The following PAX2 variants were observed in gnomAD, a reference collection of about 807,000 sequenced individuals.
PAX2 encodes paired box 2, also known as paired box protein Pax-2.
PAX2 carries 9 observed loss-of-function variants against 41.7 expected under a neutral mutation model. That is an observed-to-expected ratio of 0.22 (90% CI 0.13 to 0.38). The LOEUF (loss-of-function observed/expected upper bound fraction) is 0.38, where lower values mean the gene tolerates loss of function less well. Among genes scored for constraint, PAX2 ranks in the 10% least tolerant of loss-of-function variants. The pLI, the probability that PAX2 is intolerant of heterozygous loss-of-function variation, is 1.00. For missense variants in PAX2, 418 were observed against 531.6 expected (o/e 0.79, Z 2.10); for synonymous variants, 221 against 212.7 (o/e 1.04, Z -0.34).
At chr10:100,741,018 G>C (rs375079433), upstream of PAX2, among the ~76,000 whole-genome samples, 23 of 152,238 alleles carry the variant, frequency 1.5e-4, no homozygotes, top group East Asian at 2.1e-3. Flanking sequence ...AGGCAGCTTT[G>C]GTGGCCAAGT....
chr10:100,765,087 C>T (rs1226575540), intron 3 of PAX2, among the ~76,000 whole-genome samples: 1 of 152,178 alleles, frequency 6.6e-6, no homozygotes, highest in African/African-American at 2.4e-5. Context: ...GGGAGTTTGA[C>T]AATCATTGCA....
chr10:100,794,129 C>A (rs1163064435), intron 5 of PAX2, among the ~76,000 whole-genome samples: 1 of 152,194 alleles, frequency 6.6e-6, no homozygotes, highest in African/African-American at 2.4e-5. Context: ...ATCTGCCACT[C>A]ACCATAGAAC....
chr10:100,749,397 C>T (rs1214261760), intron 1 of PAX2: 4 of 1,112,698 alleles, frequency 3.6e-6, no homozygotes, highest in Admixed American at 4.9e-5. Flanking sequence ...CCTTCCTCTC[C>T]TCGCTTTCTT....
intron 7 of PAX2, among the ~76,000 whole-genome samples, chr10:100,817,035 G>A (rs1468667254): frequency 6.6e-6 from 1 of 152,166 alleles, no homozygotes; most frequent in Non-Finnish European, 1.5e-5. Context: ...TGGAGTATCA[G>A]AAGACTCTGC....
intron 3 of PAX2, among the ~76,000 whole-genome samples, chr10:100,778,888 G>A (rs953281383): frequency 6.6e-6 from 1 of 152,206 alleles, no homozygotes; most frequent in African/African-American, 2.4e-5. Context: ...GGCTCAAGAA[G>A]AGATTGTTCA....
intron 1 of PAX2, among the ~76,000 whole-genome samples, chr10:100,739,941 CAAA>C (rs1476123273): frequency 6.6e-6 from 1 of 152,230 alleles, no homozygotes; most frequent in Non-Finnish European, 1.5e-5. Context: ...CGGCTTCGCA[CAAA>C]CCAGCCTCTT....
At chr10:100,803,993 G>A (rs1293886811) in intron 5 of PAX2, among the ~76,000 whole-genome samples, 1 of 152,154 alleles carries the variant, frequency 6.6e-6, no homozygotes, top group African/African-American at 2.4e-5. Flanking sequence ...TTCCATAGCG[G>A]CTGAAAAATG....
intron 7 of PAX2, among the ~76,000 whole-genome samples, chr10:100,809,770 G>T (rs189554288): frequency 6.6e-6 from 1 of 152,330 alleles, no homozygotes; most frequent in African/African-American, 2.4e-5. Flanking sequence ...CCTTCCTCCT[G>T]CTTCCCAGAG....
rs1366738627 is a variant in PAX2 at position 100,748,396 on chromosome 10, C to T, written c.44-1350C>T. The T allele has an allele frequency of 8.2e-6, 8 of 980,070 alleles. No individual in the cohort carries two copies. In the East Asian group the frequency reaches 6.9e-4, roughly 84 times the overall value. The allele number at this position is 980,070 out of a possible 1,614,324, so 60.7% of individuals were successfully genotyped here. On this transcript the variant is annotated intron_variant, in intron 1 of 9. Transcript: ENST00000355243. The surrounding 1 kb of genome is among the most constrained non-coding windows in gnomAD (Gnocchi z 5.0). ...CAGCAACGCGATCAGAGGTCTTTCC[C>T]CAGGGTTTCACCGAGCTTGCTCTAG... is the stretch of plus-strand genomic sequence containing the variant.
chr10:100,820,280 T>C (rs1457492181), intron 7 of PAX2, among the ~76,000 whole-genome samples: 4 of 152,222 alleles, frequency 2.6e-5, no homozygotes, highest in African/African-American at 4.8e-5. Context: ...GGCAGTGTGG[T>C]ATAAACATGG....
At chr10:100,803,009 C>G (rs1031609644) in intron 5 of PAX2, among the ~76,000 whole-genome samples, 6 of 152,046 alleles carry the variant, frequency 3.9e-5, no homozygotes, top group African/African-American at 1.4e-4. Flanking sequence ...GAGCTCGCTC[C>G]CCATCTTCCC....
At position 100,827,646 on chromosome 10, in the gene PAX2, A is replaced by T; in HGVS notation, c.*27A>T. On this transcript the variant is annotated 3_prime_UTR_variant, in exon 10 of 10. Transcript: ENST00000355243. The surrounding 1 kb of genome is among the most constrained non-coding windows in gnomAD (Gnocchi z 8.5). ...TACCGCGGGGACCACATCAAGCTTC[A>T]GGCCGACAGCTTCGGCCTCCACATC... 6.2e-7 allele frequency: 1 copy of T among 1,613,744 alleles called. No homozygotes were observed. Among genetic ancestry groups the T allele is most frequent in the Non-Finnish European group, 8.5e-7 (1 of 1,179,864 alleles).
At chr10:100,752,312 C>T (rs1845471695) in intron 3 of PAX2, among the ~76,000 whole-genome samples, 1 of 152,222 alleles carries the variant, frequency 6.6e-6, no homozygotes, top group Non-Finnish European at 1.5e-5. Flanking sequence ...AGCGATTTGA[C>T]ATTCAGATAC....
At chr10:100,784,872 A>C (rs773934451) in intron 5 of PAX2, among the ~76,000 whole-genome samples, 6 of 152,152 alleles carry the variant, frequency 3.9e-5, no homozygotes, top group Non-Finnish European at 7.4e-5. Flanking sequence ...AGAGTATGGA[A>C]AACACCCCCT....
intron 3 of PAX2, among the ~76,000 whole-genome samples, chr10:100,754,158 A>T (rs1845549395): frequency 6.6e-6 from 1 of 152,184 alleles, no homozygotes; most frequent in Admixed American, 6.5e-5. Context: ...CTGAAAAAGG[A>T]AAAAGTCGTC....
chr10:100,738,315 T>C (rs952016725), intron 1 of PAX2, among the ~76,000 whole-genome samples: 5 of 152,188 alleles, frequency 3.3e-5, no homozygotes, highest in African/African-American at 1.2e-4. Context: ...GCAGGATTGA[T>C]TGGCGGCCCC....
intron 1 of PAX2, chr10:100,735,803 C>T: frequency 2.1e-6 from 2 of 938,782 alleles, no homozygotes; most frequent in South Asian, 5.0e-5. Flanking sequence ...CGGCCATGGC[C>T]GGGGCGGGCT....
At chr10:100,805,219 A>G (rs914407732) in intron 5 of PAX2, among the ~76,000 whole-genome samples, 2 of 152,166 alleles carry the variant, frequency 1.3e-5, no homozygotes, top group African/African-American at 2.4e-5. Flanking sequence ...AATATTTTCT[A>G]TGGTCTCCTG....
At chr10:100,763,086 GC>G (rs1400559558) in intron 3 of PAX2, among the ~76,000 whole-genome samples, 2 of 152,178 alleles carry the variant, frequency 1.3e-5, no homozygotes, top group Non-Finnish European at 2.9e-5. Context: ...CCAGAACACT[GC>G]CTGCTTGACT....
Sources: gnomAD v4.1 joint callset for allele counts (sites outside exome capture counted in the v4.1 genomes callset) on GRCh38, gnomAD v4.1.1 for gene constraint, Gnocchi (gnomAD v3.1) non-coding constraint, MANE v1.5 for transcripts, NCBI Gene and HGNC (gene_info 2026-07-23, HGNC 2026-07-21) for gene names.